Variants in IKZF4 observed in about 807,000 individuals in gnomAD.
IKZF4 encodes the protein IKAROS family zinc finger 4, also known as zinc finger protein Eos.
Under a neutral mutation model 47.7 loss-of-function variants are expected in IKZF4, and 11 were observed. The observed-to-expected ratio is 0.23, with a 90% CI of 0.15 to 0.38. The LOEUF is 0.38. IKZF4 is among the 10% of genes least tolerant of loss of function. The pLI is 1.00. For missense variants in IKZF4, 557 were observed against 784.9 expected (o/e 0.71, Z 3.47); for synonymous variants, 298 against 299.4 (o/e 1.00, Z 0.05).
chr12:56,021,679 G>A (rs1463811336), intron 1 of IKZF4, 99 bp downstream of exon 1: 6 of 1,457,534 alleles, frequency 4.1e-6, no homozygotes, highest in East Asian at 2.5e-5. Flanking sequence ...GAGATGGAGA[G>A]GATGGGGGCT....
chr12:56,032,528 G>T (rs1895054880), intron 5 of IKZF4, 33 bp from the exon 6 acceptor site: 1 of 1,587,750 alleles, frequency 6.3e-7, no homozygotes, highest in Admixed American at 1.8e-5. Context: ...GCGAGAAATA[G>T]CTCTGATGCC....
chr12:56,010,504 G>C (rs537654782), intron 1 of IKZF4: 1 of 152,234 alleles, frequency 6.6e-6, no homozygotes, highest in East Asian at 1.9e-4. Context: ...AGACATAGGA[G>C]GAAGAGGATT....
intron 7 of IKZF4, among the ~76,000 whole-genome samples, chr12:56,034,035 G>A (rs1295426599): frequency 6.6e-6 from 1 of 152,076 alleles, no homozygotes. Context: ...GAGTAGCTGG[G>A]ACTACAGACG....
intron 5 of IKZF4, chr12:56,032,335 C>CT (rs1895029799): frequency 4.0e-6 from 2 of 497,260 alleles, no homozygotes; most frequent in East Asian, 7.5e-5. Context: ...GCCACATGCC[C>CT]TAGGATTCCC....
In IKZF4 at chr12:56,023,715, T is replaced by C; in HGVS notation, c.132T>C (p.Pro44=). The C allele has an allele frequency of 6.2e-7, 1 of 1,613,996 alleles. No homozygotes were observed. Among genetic ancestry groups the C allele is most frequent in the Non-Finnish European group, 8.5e-7 (1 of 1,179,864 alleles). Residue 44 remains proline, a synonymous_variant, in exon 2 of 8, where the codon CCT becomes CCC. Transcript: ENST00000547167. ...GAGGGTGTGTTCCGGATTTCTTGCCTCAGGCCCAAGACTCCAACCATTTTA... is the reference window on the plus strand; with the variant it reads ...GAGGGTGTGTTCCGGATTTCTTGCCCCAGGCCCAAGACTCCAACCATTTTA... ...PSGGCVPDFL[P]QAQDSNHFIM... is the part of the protein sequence containing the mutation.
At chr12:56,020,180 TTGA>T (rs1892663549), upstream of IKZF4, among the ~76,000 whole-genome samples, 1 of 152,238 alleles carries the variant, frequency 6.6e-6, no homozygotes, top group Non-Finnish European at 1.5e-5. Flanking sequence ...ATCAGGCCAC[TTGA>T]TGAAAAGGGT....
chr12:56,023,873 C>T, intron 2 of IKZF4, 109 bp downstream of exon 2: 3 of 1,516,966 alleles, frequency 2.0e-6, no homozygotes, highest in South Asian at 1.2e-5. Context: ...CTTTCTCTTT[C>T]TCTCTTCCAT....
At chr12:56,029,625 A>G (rs1488742366) in intron 5 of IKZF4, 1 of 152,220 alleles carries the variant, frequency 6.6e-6, no homozygotes. Flanking sequence ...ATCTCTATGT[A>G]TGTGGAGAAA....
rs1454654334 is a variant in IKZF4 at position 56,025,175 on chromosome 12, A to G, written c.286+17A>G. ...CACTCAGTGGTAAGTGTAACCTCCTACCACCTCCTGGCAGTAGGCACCCCC... is the reference window on the plus strand; with the variant it reads ...CACTCAGTGGTAAGTGTAACCTCCTGCCACCTCCTGGCAGTAGGCACCCCC... On this transcript the variant is annotated intron_variant, in intron 3 of 7. Transcript: ENST00000547167. The G allele has an allele frequency of 1.3e-6, 2 of 1,537,898 alleles. No homozygotes were observed. The highest frequency in any genetic ancestry group is 2.2e-5 in the Admixed American group (1 of 45,140).
chr12:56,032,955 G>A (rs1281293395), intron 6 of IKZF4, among the ~76,000 whole-genome samples: 1 of 152,146 alleles, frequency 6.6e-6, no homozygotes. Context: ...TGGCCTAATG[G>A]GAGAGAGAGA....
chr12:56,027,762 T>A lies in IKZF4; in HGVS notation c.548-18T>A. Reference sequence around the variant, plus strand: ...TTCCTCACATGCAGTCCTCTGGGATTTGTTCTTTCACTTGCAGGTGAAAGG... The same window carrying A: ...TTCCTCACATGCAGTCCTCTGGGATATGTTCTTTCACTTGCAGGTGAAAGG... On this transcript the variant is annotated intron_variant, in intron 4 of 7. Coordinates refer to ENST00000547167, the MANE Select transcript of IKZF4 (RefSeq NM_022465.4). 1.2e-6 allele frequency: 2 copies of A among 1,609,586 alleles called. No homozygotes were observed. Among genetic ancestry groups the A allele is most frequent in the Non-Finnish European group, 8.5e-7 (1 of 1,177,782 alleles).
chr12:56,008,503 C>A (rs947244831), intron 1 of IKZF4, among the ~76,000 whole-genome samples: 1 of 151,970 alleles, frequency 6.6e-6, no homozygotes, highest in African/African-American at 2.4e-5. Context: ...TAGGTTCTCA[C>A]TTTTTAAATT....
chr12:56,019,267 A>G (rs1892538399), upstream of IKZF4: 2 of 633,698 alleles, frequency 3.2e-6, no homozygotes, highest in Non-Finnish European at 3.9e-6. Flanking sequence ...CCCTATCAGA[A>G]ACCCAAGCAC....
intron 1 of IKZF4, 102 bp downstream of exon 1, chr12:56,021,682 TG>T (rs1399889904): frequency 9.4e-7 from 1 of 1,069,332 alleles, no homozygotes; most frequent in Non-Finnish European, 1.3e-6. Flanking sequence ...ATGGAGAGGA[TG>T]GGGGCTGTGT....
At position 56,038,408 on chromosome 12, in the gene IKZF4, TATAA is replaced by T. The variant is rs764226398; in HGVS notation, c.*3083_*3086del. On this transcript the variant is annotated 3_prime_UTR_variant, in exon 8 of 8. Coordinates refer to ENST00000547167, the MANE Select transcript of IKZF4 (RefSeq NM_022465.4). ...TGTACTGTACTGGCTGAAAGTCTGT[TATAA>T]ATAAACATGAGTAATTTAACACCTC... 7 of 152,800 alleles carry T rather than the reference TATAA, an allele frequency of 4.6e-5. No individual in the cohort carries two copies. The East Asian group carries it at 7.7e-4, about 17-fold the overall frequency. The allele number at this position is 152,800 out of a possible 1,614,324, so 9.5% of individuals were successfully genotyped here.
At position 56,034,704 on chromosome 12, in the gene IKZF4, T is replaced by A; in HGVS notation, c.1131T>A (p.Gly377=). 1 of 1,614,018 alleles carries A rather than the reference T, an allele frequency of 6.2e-7. No individual in the cohort carries two copies. The highest frequency in any genetic ancestry group is 2.2e-5 in the East Asian group (1 of 44,878). Residue 377 remains glycine, a synonymous_variant, in exon 8 of 8, where the codon GGT becomes GGA. Coordinates refer to ENST00000547167, the MANE Select transcript of IKZF4 (RefSeq NM_022465.4). ...PGFGSSLAFV[G]AEHLRPLRLP... ...TTGGAAGTTCCCTGGCCTTTGTGGG[T>A]GCAGAGCATCTGCGTCCCCTCCGCC...
At chr12:56,024,818 C>T in intron 2 of IKZF4, 2 of 1,375,496 alleles carry the variant, frequency 1.5e-6, no homozygotes, top group Non-Finnish European at 1.9e-6. Context: ...CTCTTGCCCT[C>T]AGGCCTAGAT....
chr12:56,027,101 A>G, intron 4 of IKZF4, 60 bp downstream of exon 4: 1 of 1,373,500 alleles, frequency 7.3e-7, no homozygotes, highest in Non-Finnish European at 9.5e-7. Context: ...AGGCAGGGGC[A>G]GTGCTGGGAC....
At chr12:56,010,319 A>C (rs980355289) in intron 1 of IKZF4, 1 of 152,224 alleles carries the variant, frequency 6.6e-6, no homozygotes. Flanking sequence ...AAGGCATCTA[A>C]GAAAGGGTAG....
Sources: gnomAD v4.1 joint callset for allele counts (sites outside exome capture counted in the v4.1 genomes callset) on GRCh38, gnomAD v4.1.1 for gene constraint, MANE v1.5 for transcripts, NCBI Gene and HGNC (gene_info 2026-07-23, HGNC 2026-07-21) for gene names.